The following RIMS2 variants were observed in gnomAD, a reference collection of about 807,000 sequenced individuals.
The protein encoded by RIMS2 is regulating synaptic membrane exocytosis protein 2.
Under a neutral mutation model 174.4 loss-of-function variants are expected in RIMS2, and 59 were observed. The observed-to-expected ratio is 0.34, with a 90% CI of 0.27 to 0.42. The LOEUF (loss-of-function observed/expected upper bound fraction) is 0.42. Ranked by LOEUF, RIMS2 falls within the 10% of genes least tolerant of loss-of-function variation. The pLI is 1.00. For synonymous variants in RIMS2, 606 were observed against 572.5 expected (o/e 1.06, Z -0.84); for missense variants, 1,620 against 1,666.3 (o/e 0.97, Z 0.48).
chr8:103,603,556 C>G (rs1318751252), intron 1 of RIMS2, among the ~76,000 whole-genome samples: 1 of 152,122 alleles, frequency 6.6e-6, no homozygotes, highest in Non-Finnish European at 1.5e-5. Flanking sequence ...AGTTCTGGAT[C>G]CCTGATGAAT....
At chr8:104,073,982 G>A (rs1437200912) in intron 19 of RIMS2, among the ~76,000 whole-genome samples, 1 of 152,150 alleles carries the variant, frequency 6.6e-6, no homozygotes, top group African/African-American at 2.4e-5. Flanking sequence ...GATAGTTAAA[G>A]TATGTTTGGT....
chr8:103,531,304 C>T (rs1837007942), intron 1 of RIMS2, among the ~76,000 whole-genome samples: 1 of 152,044 alleles, frequency 6.6e-6, no homozygotes, highest in South Asian at 2.1e-4. Flanking sequence ...TTGAAATATA[C>T]AGACTGCATT....
intron 2 of RIMS2, among the ~76,000 whole-genome samples, chr8:103,747,075 C>CT (rs35423526): frequency 0.39 from 57,252 of 148,478 alleles, 11,308 homozygotes; most frequent in African/African-American, 0.44. Context: ...GATCTTCTTT[C>CT]TTTTTTTTTT....
intron 15 of RIMS2, among the ~76,000 whole-genome samples, chr8:103,965,973 T>C (rs2091704267): frequency 6.6e-6 from 1 of 152,170 alleles, no homozygotes; most frequent in Non-Finnish European, 1.5e-5. Context: ...TGGAAACAGC[T>C]TTGTGTATCC....
chr8:103,752,906 C>T (rs998449711), intron 2 of RIMS2, among the ~76,000 whole-genome samples: 14 of 152,186 alleles, frequency 9.2e-5, no homozygotes, highest in African/African-American at 2.6e-4. Flanking sequence ...TTCCTCTTTT[C>T]CTAATTGAAT....
At chr8:103,901,445 A>C (rs1344995212) in intron 4 of RIMS2, among the ~76,000 whole-genome samples, 1 of 152,134 alleles carries the variant, frequency 6.6e-6, no homozygotes, top group African/African-American at 2.4e-5. Context: ...GAGCATTGTT[A>C]CCTTTATAAT....
intron 4 of RIMS2, among the ~76,000 whole-genome samples, chr8:103,894,611 C>G (rs1242565885): frequency 6.6e-6 from 1 of 151,622 alleles, no homozygotes. Flanking sequence ...CCTCTTATTA[C>G]AGATCAGTGG....
chr8:103,915,927 G>A (rs570703954), intron 7 of RIMS2, among the ~76,000 whole-genome samples: 36 of 151,860 alleles, frequency 2.4e-4, no homozygotes, highest in Middle Eastern at 3.4e-3. Context: ...ATTTCCTACC[G>A]TGTGTGTCAC....
intron 1 of RIMS2, among the ~76,000 whole-genome samples, chr8:103,580,469 G>A (rs2093542986): frequency 6.8e-6 from 1 of 146,008 alleles, no homozygotes; most frequent in African/African-American, 2.5e-5. Flanking sequence ...GTGTGTGTGT[G>A]TAAAATGATA....
At chr8:104,197,371 T>G (rs993065153) in intron 19 of RIMS2, among the ~76,000 whole-genome samples, 7 of 152,038 alleles carry the variant, frequency 4.6e-5, no homozygotes, top group African/African-American at 1.7e-4. Context: ...GAGATGGGGT[T>G]TCACCATGTT....
intron 4 of RIMS2, among the ~76,000 whole-genome samples, chr8:103,908,090 G>A (rs2074872873): frequency 6.6e-6 from 1 of 151,540 alleles, no homozygotes; most frequent in African/African-American, 2.4e-5. Flanking sequence ...TCTCCAGGCT[G>A]GAGTGCAGTG....
At chr8:103,604,515 GT>G (rs1462514229) in intron 1 of RIMS2, among the ~76,000 whole-genome samples, 1 of 151,912 alleles carries the variant, frequency 6.6e-6, no homozygotes, top group African/African-American at 2.4e-5. Context: ...CTTTAAAGTA[GT>G]TTTTTCCAAT....
intron 19 of RIMS2, among the ~76,000 whole-genome samples, chr8:104,203,266 A>G (rs1000302322): frequency 6.6e-6 from 1 of 152,144 alleles, no homozygotes; most frequent in African/African-American, 2.4e-5. Flanking sequence ...ATGTGCAGAA[A>G]AGAATTAAAT....
intron 3 of RIMS2, among the ~76,000 whole-genome samples, chr8:103,831,336 T>C (rs2098824627): frequency 6.6e-6 from 1 of 152,198 alleles, no homozygotes. Flanking sequence ...AAGCCTCATC[T>C]TTGACCTGAA....
chr8:103,652,759 C>T (rs758217876), intron 1 of RIMS2, 49 bp downstream of exon 3: 2 of 1,087,458 alleles, frequency 1.8e-6, no homozygotes, highest in South Asian at 2.5e-5. Flanking sequence ...GATAGTATAA[C>T]ATACTGAAAA....
At chr8:103,885,219 C>T (rs1464537114) in intron 3 of RIMS2, 79 bp from the exon 7 acceptor site, 6 of 1,455,790 alleles carry the variant, frequency 4.1e-6, no homozygotes, top group Middle Eastern at 1.8e-4. Flanking sequence ...AGTTATCCAT[C>T]AACCTGCCAG....
chr8:103,660,795 T>C (rs2096590942), intron 1 of RIMS2, among the ~76,000 whole-genome samples: 1 of 152,116 alleles, frequency 6.6e-6, no homozygotes. Flanking sequence ...AAATAAACTT[T>C]TAAAATGACA....
chr8:103,555,490 A>G (rs1849998315), intron 1 of RIMS2, among the ~76,000 whole-genome samples: 1 of 152,212 alleles, frequency 6.6e-6, no homozygotes, highest in Non-Finnish European at 1.5e-5. Flanking sequence ...GAACTAACAT[A>G]TGATATAGCA....
At chr8:103,897,519 G>A (rs563648998) in intron 4 of RIMS2, among the ~76,000 whole-genome samples, 1 of 151,762 alleles carries the variant, frequency 6.6e-6, no homozygotes, top group African/African-American at 2.4e-5. Context: ...ATGCCCTCTG[G>A]TCCTACTGAT....
Sources: allele counts gnomAD v4.1 joint callset (sites outside exome capture counted in the v4.1 genomes callset), GRCh38; gene constraint gnomAD v4.1.1; transcripts MANE v1.5; gene names NCBI Gene and HGNC (gene_info 2026-07-23, HGNC 2026-07-21).